Variants in PLAC9 observed in about 807,000 individuals in gnomAD.
PLAC9 encodes the protein placenta-specific protein 9.
In PLAC9, 12 loss-of-function variants were observed where a neutral mutation model predicts 11.5. That is an observed-to-expected ratio of 1.05 (90% CI 0.67 to 1.69). PLAC9 has a LOEUF of 1.69. Among genes scored for constraint, PLAC9 ranks in the 40% most tolerant of loss-of-function variants. PLAC9 has a pLI of 0.00. For missense variants in PLAC9, 132 were observed against 130.5 expected (o/e 1.01, Z -0.06); for synonymous variants, 62 against 58.1 (o/e 1.07, Z -0.31).
At chr10:80,134,013 C>A (rs1844944416) in intron 1 of PLAC9, among the ~76,000 whole-genome samples, 1 of 150,804 alleles carries the variant, frequency 6.6e-6, no homozygotes, top group Non-Finnish European at 1.5e-5. Flanking sequence ...ACACTGATTT[C>A]ATATATTTTT....
chr10:80,134,642 A>G (rs1844952702), intron 1 of PLAC9, among the ~76,000 whole-genome samples: 1 of 152,164 alleles, frequency 6.6e-6, no homozygotes, highest in Non-Finnish European at 1.5e-5. Context: ...CATAACTGCA[A>G]TGCTATGATC....
chr10:80,138,021 C>T (rs973053660), intron 1 of PLAC9, among the ~76,000 whole-genome samples: 37 of 152,188 alleles, frequency 2.4e-4, no homozygotes, highest in East Asian at 3.8e-4. Flanking sequence ...GCATAGCCCC[C>T]AGGGGCCTCT....
At position 80,142,196 on chromosome 10, in the gene PLAC9, G is replaced by A. The variant is rs1422215294; in HGVS notation, c.162+17G>A. On this transcript the variant is annotated intron_variant, in intron 2 of 3. Coordinates refer to ENST00000372263, the MANE Select transcript of PLAC9 (RefSeq NM_001012973.3). The stretch of plus-strand genomic sequence containing the variant: ...ATGGAGGAGGTAACAGGGTGGTTTG[G>A]AAGGACATGCGAGTTCAGGACCACC... 6.3e-7 allele frequency: 1 copy of A among 1,590,814 alleles called. No homozygotes were observed. The highest frequency in any genetic ancestry group is 1.1e-5 in the South Asian group (1 of 89,814).
At chr10:80,142,781 C>T (rs1845055601) in intron 2 of PLAC9, among the ~76,000 whole-genome samples, 1 of 151,940 alleles carries the variant, frequency 6.6e-6, no homozygotes, top group East Asian at 1.9e-4. Context: ...TGCCGTGGTG[C>T]AGTCTCGGCT....
intron 3 of PLAC9, 94 bp downstream of exon 3, chr10:80,144,437 T>C: frequency 7.0e-7 from 1 of 1,420,160 alleles, no homozygotes; most frequent in Non-Finnish European, 9.3e-7. Context: ...TGCACAGGTG[T>C]AGCCTGGCTG....
At chr10:80,132,726 G>C (rs922163683), upstream of PLAC9, 8 of 1,435,428 alleles carry the variant, frequency 5.6e-6, no homozygotes, top group Non-Finnish European at 5.4e-6. Flanking sequence ...GGGCGGCTGC[G>C]GGCAGACGCG....
chr10:80,132,319 G>A (rs189740913), upstream of PLAC9, among the ~76,000 whole-genome samples: 1 of 152,282 alleles, frequency 6.6e-6, no homozygotes, highest in Admixed American at 6.5e-5. Context: ...AGGAGACAGG[G>A]GTTCAGATCC....
At chr10:80,144,813 G>C in intron 3 of PLAC9, 87 bp from the exon 4 acceptor site, 1 of 1,357,744 alleles carries the variant, frequency 7.4e-7, no homozygotes, top group South Asian at 1.4e-5. Flanking sequence ...GGGCCGGGGA[G>C]GGAAGGGAAG....
intron 1 of PLAC9, among the ~76,000 whole-genome samples, chr10:80,136,261 G>A (rs558547726): frequency 2.6e-5 from 4 of 152,140 alleles, no homozygotes; most frequent in East Asian, 1.9e-4. Flanking sequence ...AGCAGGAGCC[G>A]GGCCAGAGAA....
chr10:80,140,878 T>A (rs1283821622), intron 1 of PLAC9, among the ~76,000 whole-genome samples: 1 of 152,178 alleles, frequency 6.6e-6, no homozygotes, highest in African/African-American at 2.4e-5. Flanking sequence ...TCCTAAGACC[T>A]CCAGCCTCTT....
At chr10:80,141,616 AC>A (rs1845040750) in intron 1 of PLAC9, among the ~76,000 whole-genome samples, 3 of 151,898 alleles carry the variant, frequency 2.0e-5, no homozygotes, top group Admixed American at 2.0e-4. Context: ...ACAAACAAAC[AC>A]ACAAAAAAAC....
At chr10:80,143,719 T>A (rs987772004) in intron 2 of PLAC9, among the ~76,000 whole-genome samples, 1 of 152,194 alleles carries the variant, frequency 6.6e-6, no homozygotes, top group Non-Finnish European at 1.5e-5. Context: ...AATATTTTAA[T>A]GCAATTGGTG....
At chr10:80,144,400 C>A in intron 3 of PLAC9, 57 bp downstream of exon 3, 1 of 1,513,430 alleles carries the variant, frequency 6.6e-7, no homozygotes, top group Admixed American at 2.1e-5. Flanking sequence ...TGGCGCTGGG[C>A]AGGCGAGACA....
In PLAC9 at chr10:80,144,254, C is replaced by T. The variant is rs1845074041; in HGVS notation, c.194C>T (p.Thr65Ile). 1 of 1,613,984 alleles carries T rather than the reference C, an allele frequency of 6.2e-7. No homozygotes were observed. The highest frequency in any genetic ancestry group is 1.3e-5 in the African/African-American group (1 of 74,900). Reference protein sequence around the residue: ...MVEKTVDHLGTEVKGLLGLLE... With the variant: ...MVEKTVDHLGIEVKGLLGLLE... The stretch of plus-strand genomic sequence containing the variant: ...GAGAAGACCGTGGATCACCTGGGGA[C>T]AGAGGTGAAAGGCCTGCTGGGCCTG... The change falls in exon 3 of 4, where the codon ACA (threonine) becomes ATA (isoleucine). Residue 65 changes from threonine to isoleucine, a missense_variant. Thr to Ile is a moderately conservative substitution (Grantham distance 89). Transcript: ENST00000372263.
chr10:80,135,452 A>G (rs1589403134), intron 1 of PLAC9, among the ~76,000 whole-genome samples: 1 of 151,204 alleles, frequency 6.6e-6, no homozygotes, highest in East Asian at 1.9e-4. Context: ...CAGTCTCCCA[A>G]GTAGCTGGGA....
intron 1 of PLAC9, among the ~76,000 whole-genome samples, chr10:80,137,206 G>T (rs1241305276): frequency 6.6e-6 from 1 of 152,214 alleles, no homozygotes; most frequent in Non-Finnish European, 1.5e-5. Context: ...AGCCATGTTG[G>T]GAGCGACCTC....
rs1293620017 is a variant in PLAC9 at position 80,132,826 on chromosome 10, G to A, written c.64G>A (p.Ala22Thr). ...ALLRAAGSLAAAEPFSPPRGD... is the reference protein window; with the variant it reads ...ALLRAAGSLATAEPFSPPRGD... ...GCTCCGCGCCGCGGGCTCTTTGGCC[G>A]GTGAGTGGGGCGCAGGGCGCGGCAG... Residue 22 changes from alanine to threonine, a missense_variant and splice_region_variant, in exon 1 of 4, where the codon GCT becomes ACT. Physicochemically the swap from Ala to Thr is moderately conservative, Grantham distance 58 (BLOSUM62 0). Transcript: ENST00000372263. 4 of 1,495,346 alleles carry A rather than the reference G, an allele frequency of 2.7e-6. No homozygotes were observed. The highest frequency in any genetic ancestry group is 4.4e-5 in the Admixed American group (2 of 45,864). The allele number at this position is 1,495,346 out of a possible 1,614,324, so 92.6% of individuals were successfully genotyped here.
intron 1 of PLAC9, among the ~76,000 whole-genome samples, chr10:80,134,184 TATAG>T (rs1844947399): frequency 6.6e-6 from 1 of 151,972 alleles, no homozygotes; most frequent in Admixed American, 6.6e-5. Context: ...TTATCTCATC[TATAG>T]CCTCCACCCT....
rs560963413 is a variant in PLAC9 at position 80,143,389 on chromosome 10, A to ATTTTT, written c.163-812_163-808dup. On this transcript the variant is annotated intron_variant, in intron 2 of 3. Transcript: ENST00000372263. ...AAAAAGTTTAATTTTAAATACTTGA[A>ATTTTT]TTTTTTTTTTTTTTTTTTTTTTTTT... 6.9e-3 allele frequency among the ~76,000 whole-genome samples: 623 copies of ATTTTT among 89,914 alleles called. 88 individuals carry two copies. Among genetic ancestry groups the ATTTTT allele is most frequent in the African/African-American group, 0.026 (523 of 19,950 alleles). The allele number at this position is 89,914 out of a possible 152,430, so 59.0% of individuals were successfully genotyped here.
Sources: allele counts gnomAD v4.1 joint callset (sites outside exome capture counted in the v4.1 genomes callset), GRCh38; gene constraint gnomAD v4.1.1; transcripts MANE v1.5; gene names NCBI Gene and HGNC (gene_info 2026-07-23, HGNC 2026-07-21).